ACSM6: variants seen among roughly 807,000 people sequenced by gnomAD.
ACSM6 encodes the protein acyl-coenzyme A synthetase ACSM6, mitochondrial.
A neutral mutation model predicts 51.1 loss-of-function variants in ACSM6; 35 were observed. The observed-to-expected ratio is 0.69, with a 90% confidence interval of 0.52 to 0.91. The LOEUF (loss-of-function observed/expected upper bound fraction) is 0.91, where lower values mean the gene tolerates loss of function less well. Among genes scored for constraint, ACSM6 ranks in the 40% least tolerant of loss-of-function variants. ACSM6 has a pLI of 0.00. For synonymous variants in ACSM6, 172 were observed against 207.3 expected, an observed-to-expected ratio of 0.83 and a Z score of 1.46; for missense variants, 509 against 584.1, an observed-to-expected ratio of 0.87 and a Z score of 1.32.
chr10:95,216,996 G>A (rs2034951465), intron 8 of ACSM6, among the ~76,000 whole-genome samples: 2 of 152,166 alleles, frequency 1.3e-5, no homozygotes, highest in African/African-American at 4.8e-5. Flanking sequence ...CCTTAGGCTG[G>A]TGGCCAAATT....
chr10:95,203,857 TAAAAAAAAAA>T (rs34969526), intron 3 of ACSM6, among the ~76,000 whole-genome samples: 3 of 106,870 alleles, frequency 2.8e-5, no homozygotes, highest in African/African-American at 7.4e-5. Context: ...ATGCTAGATT[TAAAAAAAAAA>T]AAAAAAAAAA....
intron 2 of ACSM6, 107 bp from the exon 3 acceptor site, chr10:95,201,878 A>T: frequency 2.2e-6 from 2 of 897,096 alleles, no homozygotes; most frequent in Non-Finnish European, 3.5e-6. Flanking sequence ...CAGGCATCCT[A>T]GCCTCTCAAG....
At chr10:95,202,142 T>C (rs377737073) in exon 3 of ACSM6, 4 of 1,552,296 alleles carry the variant, frequency 2.6e-6, no homozygotes. Context: ...CTGATGATAA[T>C]CTTGCCCCCA....
chr10:95,200,546 AAAG>A (rs536392240), intron 2 of ACSM6, among the ~76,000 whole-genome samples: 29 of 137,216 alleles, frequency 2.1e-4, no homozygotes, highest in African/African-American at 7.3e-4. Context: ...AAGAAGATGA[AAAG>A]AAGAAGAAAG....
At chr10:95,204,892 T>C (rs1018207466) in intron 3 of ACSM6, among the ~76,000 whole-genome samples, 2 of 152,132 alleles carry the variant, frequency 1.3e-5, no homozygotes, top group African/African-American at 2.4e-5. Flanking sequence ...CACTATAATG[T>C]ATAAGAAACA....
chr10:95,198,575 C>T (rs540293710), intron 2 of ACSM6, among the ~76,000 whole-genome samples: 12 of 151,584 alleles, frequency 7.9e-5, no homozygotes, highest in Admixed American at 2.6e-4. Flanking sequence ...TGCTTGAACC[C>T]GGGAGGCAGA....
intron 4 of ACSM6, among the ~76,000 whole-genome samples, chr10:95,208,558 G>A (rs1187167930): frequency 1.3e-5 from 2 of 152,144 alleles, no homozygotes; most frequent in African/African-American, 2.4e-5. Flanking sequence ...CCTCAAGTTA[G>A]CCAAATACAG....
At chr10:95,206,835 A>G (rs555755663) in intron 3 of ACSM6, among the ~76,000 whole-genome samples, 2 of 152,356 alleles carry the variant, frequency 1.3e-5, no homozygotes, top group Admixed American at 1.3e-4. Flanking sequence ...AGAAATCCAC[A>G]GCAAAAGCCA....
At chr10:95,210,144 C>G (rs2133381367) in intron 4 of ACSM6, among the ~76,000 whole-genome samples, 2 of 152,254 alleles carry the variant, frequency 1.3e-5, no homozygotes, top group East Asian at 3.9e-4. Context: ...TATTATTTAT[C>G]TTGACTACTG....
Position 95,194,687 on chromosome 10 carries a change from G to A in ACSM6, c.192+10G>A. ...GTCCCAGCTGGAAAAGGTAAAACTTGTTGTTTTCTACCTTGGAAACTTTGG... is the reference window on the plus strand; with the variant it reads ...GTCCCAGCTGGAAAAGGTAAAACTTATTGTTTTCTACCTTGGAAACTTTGG... On this transcript the variant is annotated intron_variant, in intron 2 of 10. Coordinates refer to ENST00000341686, the Ensembl canonical transcript of ACSM6. 8 of 1,549,672 alleles carry A rather than the reference G, an allele frequency of 5.2e-6. No individual in the cohort carries two copies. The highest frequency in any genetic ancestry group is 7.0e-6 in the Non-Finnish European group (8 of 1,145,588).
At chr10:95,220,361 G>C (rs2034985643) in intron 9 of ACSM6, among the ~76,000 whole-genome samples, 1 of 152,184 alleles carries the variant, frequency 6.6e-6, no homozygotes, top group South Asian at 2.1e-4. Context: ...TAAGCCACTA[G>C]TCAGCTGCTC....
chr10:95,197,502 T>C (rs2034744244), intron 2 of ACSM6, among the ~76,000 whole-genome samples: 3 of 152,256 alleles, frequency 2.0e-5, no homozygotes, highest in South Asian at 2.1e-4. Flanking sequence ...GGGAAGGTAC[T>C]ATGCCTGGAT....
At chr10:95,219,786 ATGT>A (rs1213709399) in intron 8 of ACSM6, 102 bp from the exon 9 acceptor site, 10 of 824,190 alleles carry the variant, frequency 1.2e-5, no homozygotes, top group Non-Finnish European at 2.0e-5. Flanking sequence ...AGACTGTGTA[ATGT>A]TGTTCTGTTA....
intron 2 of ACSM6, among the ~76,000 whole-genome samples, chr10:95,197,498 G>A (rs1381652351): frequency 1.3e-5 from 2 of 152,098 alleles, no homozygotes; most frequent in East Asian, 1.9e-4. Context: ...TCAAGGGAAG[G>A]TACTATGCCT....
At chr10:95,210,544 A>C in intron 4 of ACSM6, 106 bp from the exon 5 acceptor site, 6 of 1,155,038 alleles carry the variant, frequency 5.2e-6, no homozygotes, top group Non-Finnish European at 7.2e-6. Context: ...ATATCAAGAT[A>C]CCAGCTGTTA....
exon 11 of ACSM6, chr10:95,228,705 G>A (rs1564593603): frequency 6.4e-7 from 1 of 1,551,812 alleles, no homozygotes; most frequent in Non-Finnish European, 8.7e-7. Flanking sequence ...GGTGACAGAG[G>A]GATCATGGAT....
exon 8 of ACSM6, chr10:95,214,876 G>C (rs1355555856): frequency 5.8e-6 from 9 of 1,551,550 alleles, no homozygotes; most frequent in Non-Finnish European, 7.8e-6. Context: ...GTCTGAAGCA[G>C]TGTGTGGCTG....
chr10:95,195,135 C>G (rs2034712895), intron 2 of ACSM6, among the ~76,000 whole-genome samples: 1 of 152,148 alleles, frequency 6.6e-6, no homozygotes. Flanking sequence ...CTAGCACATA[C>G]AAAATTTTAG....
At chr10:95,205,465 C>A (rs1361620197) in intron 3 of ACSM6, among the ~76,000 whole-genome samples, 1 of 152,014 alleles carries the variant, frequency 6.6e-6, no homozygotes, top group Non-Finnish European at 1.5e-5. Context: ...CTCTTGGGAG[C>A]CTATTTTATT....
Sources: allele counts gnomAD v4.1 joint callset (sites outside exome capture counted in the v4.1 genomes callset), GRCh38; gene constraint gnomAD v4.1.1; transcripts MANE v1.5; gene names NCBI Gene and HGNC (gene_info 2026-07-23, HGNC 2026-07-21).